The following ATP8B4 variants were observed in gnomAD, a reference collection of about 807,000 sequenced individuals.
ATP8B4 encodes the protein ATPase phospholipid transporting 8B4 (putative), also known as probable phospholipid-transporting ATPase IM.
In ATP8B4, 133 loss-of-function variants were observed where a neutral mutation model predicts 145.6. The ratio of observed to expected loss-of-function variants is 0.91; its 90% CI spans 0.79 to 1.05. ATP8B4 has a LOEUF of 1.05. Ranked by LOEUF, ATP8B4 falls within the 50% of genes least tolerant of loss-of-function variation. ATP8B4 has a pLI of 0.00. For missense variants in ATP8B4, 1,458 were observed against 1,425.2 expected, an observed-to-expected ratio of 1.02 and a Z score of -0.37; for synonymous variants, 507 against 492.9, an observed-to-expected ratio of 1.03 and a Z score of -0.38.
chr15:50,112,982 C>CAGG (rs1329122579), intron 1 of ATP8B4, among the ~76,000 whole-genome samples: 2 of 152,172 alleles, frequency 1.3e-5, no homozygotes, highest in Non-Finnish European at 2.9e-5. Flanking sequence ...TGGTCTTGAG[C>CAGG]AGGAGCTGGG....
chr15:50,125,580 A>C lies in ATP8B4; in HGVS notation c.-42-18572T>G, dbSNP rs566846350. 1.1e-4 allele frequency among the ~76,000 whole-genome samples: 17 copies of C among 152,328 alleles called. No homozygotes were observed. In the South Asian group the frequency reaches 3.5e-3, roughly 32 times the overall value. On this transcript the variant is annotated intron_variant, in intron 1 of 3. Coordinates refer to the ATP8B4 transcript ENST00000558829. ...CTGGTCTCTGTGAGAACAGAAAAATAGCTCAGAGCAGTCTGCACTACGGGA... is the reference window on the plus strand; with the variant it reads ...CTGGTCTCTGTGAGAACAGAAAAATCGCTCAGAGCAGTCTGCACTACGGGA...
chr15:50,050,134 A>G (rs2052062710), intron 3 of ATP8B4, among the ~76,000 whole-genome samples: 1 of 152,144 alleles, frequency 6.6e-6, no homozygotes, highest in South Asian at 2.1e-4. Flanking sequence ...TCTATGATTT[A>G]TTTTACAGAC....
At chr15:50,023,443 C>T (rs940183801) in intron 6 of ATP8B4, among the ~76,000 whole-genome samples, 1 of 151,970 alleles carries the variant, frequency 6.6e-6, no homozygotes, top group Admixed American at 6.6e-5. Context: ...GCATTTATAC[C>T]ACAGTCCTTT....
intron 1 of ATP8B4, among the ~76,000 whole-genome samples, chr15:50,117,187 T>C (rs984882045): frequency 2.0e-5 from 3 of 152,130 alleles, no homozygotes; most frequent in African/African-American, 7.2e-5. Flanking sequence ...GTAGTTGAGA[T>C]TACAGGAGCC....
At position 50,114,005 on chromosome 15, in the gene ATP8B4, T is replaced by G. The variant is rs1468952575; in HGVS notation, c.-43+5118A>C. On this transcript the variant is annotated intron_variant, in intron 1 of 27. Coordinates refer to ENST00000284509, the MANE Select transcript of ATP8B4 (RefSeq NM_024837.4). ...ATGTCCATACAGGAGTCTCTTTATA[T>G]TCTAGTCATGCAGCCATTACCCAGC... Among the ~76,000 whole-genome samples, 6 of 151,372 alleles carry G rather than the reference T, an allele frequency of 4.0e-5. No homozygotes were observed. The East Asian group carries it at 9.6e-4, about 24-fold the overall frequency.
intron 10 of ATP8B4, among the ~76,000 whole-genome samples, chr15:49,984,656 C>T (rs1490034645): frequency 1.3e-5 from 2 of 152,254 alleles, no homozygotes; most frequent in African/African-American, 4.8e-5. Flanking sequence ...TCGTAATCTC[C>T]TTCTTCCTTT....
intron 1 of ATP8B4, 89 bp from the exon 2 acceptor site, chr15:50,107,097 A>G: frequency 1.3e-6 from 1 of 791,202 alleles, no homozygotes; most frequent in East Asian, 2.9e-5. Flanking sequence ...AGACAAATCT[A>G]GGTAATTAGG....
intron 1 of ATP8B4, among the ~76,000 whole-genome samples, chr15:50,166,109 A>C (rs2044595482): frequency 6.6e-6 from 1 of 152,230 alleles, no homozygotes; most frequent in Non-Finnish European, 1.5e-5. Flanking sequence ...TCTGTAAGTC[A>C]CAAGACAATA....
intron 5 of ATP8B4, among the ~76,000 whole-genome samples, chr15:50,041,193 G>A (rs959785416): frequency 3.9e-5 from 6 of 152,144 alleles, no homozygotes; most frequent in African/African-American, 7.2e-5. Context: ...CCATTTCCCT[G>A]AAAAATCAGA....
At chr15:49,967,327 C>T (rs28866824) in intron 13 of ATP8B4, among the ~76,000 whole-genome samples, 12,009 of 152,184 alleles carry the variant, frequency 0.079, 520 homozygotes, top group Middle Eastern at 0.099. Context: ...CTCCTCCCAG[C>T]TAAAGGAACA....
chr15:50,073,008 A>G (rs2053926187), intron 3 of ATP8B4, among the ~76,000 whole-genome samples: 1 of 47,628 alleles, frequency 2.1e-5, no homozygotes, highest in African/African-American at 1.1e-4. Flanking sequence ...ATATATATAT[A>G]TATATATATA....
At chr15:49,860,597 TTTTAAATCTAAAAACTAA>T in intron 27 of ATP8B4, 122 bp from the exon 28 acceptor site, 1 of 1,213,508 alleles carries the variant, frequency 8.2e-7, no homozygotes, top group Non-Finnish European at 1.1e-6. Context: ...CAAAAGGAAG[TTTTAAATCTAAAAACTAA>T]GAAATTTTCC....
chr15:50,072,958 CTCTCTCTCTCTCTCTCTCTCTCTATA>C (rs2053873046), intron 3 of ATP8B4, among the ~76,000 whole-genome samples: 5 of 32,310 alleles, frequency 1.5e-4, no homozygotes, highest in East Asian at 1.1e-3. Flanking sequence ...CTCTCTCTCT[CTCTCTCTCTCTCTCTCTCTCTCTATA>C]TATATATATA....
chr15:49,876,951 T>G (rs540893373), intron 24 of ATP8B4, among the ~76,000 whole-genome samples: 21 of 152,312 alleles, frequency 1.4e-4, no homozygotes, highest in African/African-American at 4.3e-4. Flanking sequence ...GACCAGGAGA[T>G]GACAGCAGAG....
intron 1 of ATP8B4, among the ~76,000 whole-genome samples, chr15:50,136,410 T>C (rs868038135): frequency 1.1e-4 from 16 of 152,014 alleles, no homozygotes; most frequent in Non-Finnish European, 1.8e-4. Context: ...TGTCAAAACA[T>C]CCAGGAGAAA....
intron 10 of ATP8B4, among the ~76,000 whole-genome samples, chr15:49,986,529 T>C (rs1177908227): frequency 6.6e-6 from 1 of 152,190 alleles, no homozygotes; most frequent in Non-Finnish European, 1.5e-5. Flanking sequence ...GCTGACAGTA[T>C]TTAGAGGAAT....
At chr15:50,179,910 G>A (rs768713126) in intron 1 of ATP8B4, among the ~76,000 whole-genome samples, 1 of 152,138 alleles carries the variant, frequency 6.6e-6, no homozygotes, top group Non-Finnish European at 1.5e-5. Flanking sequence ...TATTAACCTC[G>A]TGATAAAGCA....
chr15:50,181,011 CCAAA>C (rs752473332), intron 1 of ATP8B4, among the ~76,000 whole-genome samples: 1 of 152,102 alleles, frequency 6.6e-6, no homozygotes, highest in Non-Finnish European at 1.5e-5. Context: ...TTCCCCGGGA[CCAAA>C]CAGATACCAT....
intron 6 of ATP8B4, among the ~76,000 whole-genome samples, chr15:50,014,528 C>T (rs2048948528): frequency 2.0e-5 from 3 of 152,106 alleles, no homozygotes; most frequent in Admixed American, 2.0e-4. Context: ...TTACTGCATT[C>T]CAGGGACTGT....
Sources: allele counts gnomAD v4.1 joint callset (sites outside exome capture counted in the v4.1 genomes callset), GRCh38; gene constraint gnomAD v4.1.1; transcripts MANE v1.5; gene names NCBI Gene and HGNC (gene_info 2026-07-23, HGNC 2026-07-21).